TMPRSS15: variants seen among roughly 807,000 people sequenced by gnomAD.
The protein encoded by TMPRSS15 is transmembrane serine protease 15, also known as enteropeptidase.
In TMPRSS15, 128 loss-of-function variants were observed where a neutral mutation model predicts 125.3. The ratio of observed to expected loss-of-function variants is 1.02; its 90% CI spans 0.89 to 1.18. The LOEUF (loss-of-function observed/expected upper bound fraction) is 1.18, where lower values mean the gene tolerates loss of function less well. TMPRSS15 is among the 50% of genes most tolerant of loss of function. The pLI, the probability that TMPRSS15 is intolerant of heterozygous loss-of-function variation, is 0.00. For synonymous variants in TMPRSS15, 446 were observed against 423.2 expected (o/e 1.05, Z -0.66); for missense variants, 1,283 against 1,212.7 (o/e 1.06, Z -0.86).
At chr21:18,463,924 C>G (rs924686610) in intron 1 of TMPRSS15, among the ~76,000 whole-genome samples, 1 of 151,990 alleles carries the variant, frequency 6.6e-6, no homozygotes, top group African/African-American at 2.4e-5. Flanking sequence ...GCTGTAATCC[C>G]AGCACTTGGG....
At chr21:18,455,774 T>C (rs1397728101) in intron 1 of TMPRSS15, among the ~76,000 whole-genome samples, 1 of 152,148 alleles carries the variant, frequency 6.6e-6, no homozygotes, top group East Asian at 1.9e-4. Context: ...GTGTAATAAT[T>C]AACTCCCTAA....
intron 21 of TMPRSS15, among the ~76,000 whole-genome samples, chr21:18,293,307 CATGCCCGGTTCTTTCCTCGTCA>C (rs1337265093): frequency 6.6e-6 from 1 of 152,130 alleles, no homozygotes; most frequent in Non-Finnish European, 1.5e-5. Flanking sequence ...CTGCCTCGTC[CATGCCCGGTTCTTTCCTCGTCA>C]ATGCCTGGTT....
chr21:18,293,436 C>T (rs942635354), intron 21 of TMPRSS15, among the ~76,000 whole-genome samples: 1 of 152,160 alleles, frequency 6.6e-6, no homozygotes, highest in Non-Finnish European at 1.5e-5. Context: ...GGACACCTCA[C>T]TGACATAGGG....
chr21:18,353,132 T>C, intron 9 of TMPRSS15, 80 bp from the exon 10 acceptor site: 1 of 1,282,028 alleles, frequency 7.8e-7, no homozygotes, highest in Non-Finnish European at 1.1e-6. Flanking sequence ...TTGAAAATAA[T>C]CTAACCTTAT....
intron 3 of TMPRSS15, among the ~76,000 whole-genome samples, chr21:18,396,825 T>G (rs1200558323): frequency 1.4e-5 from 2 of 145,734 alleles, no homozygotes; most frequent in East Asian, 4.1e-4. Context: ...TATCTATCTA[T>G]CTATCTATCT....
At position 18,478,392 on chromosome 21, in the gene TMPRSS15, T is replaced by C. The variant is rs550016415; in HGVS notation, c.10+7407A>G. On this transcript the variant is annotated intron_variant, in intron 1 of 7. Transcript: ENST00000422787. ...GATTGTTTAAGACAACTTTTCATTT[T>C]GGAATTAATTTATACTTACAGAAAT... 5.3e-5 allele frequency among the ~76,000 whole-genome samples: 8 copies of C among 152,184 alleles called. No homozygotes were observed. In the South Asian group the frequency reaches 1.7e-3, roughly 32 times the overall value.
chr21:18,296,521 T>C (rs1050597906), intron 19 of TMPRSS15, among the ~76,000 whole-genome samples: 4 of 152,216 alleles, frequency 2.6e-5, no homozygotes, highest in Admixed American at 6.5e-5. Flanking sequence ...TACATTATAA[T>C]AGTGACGTCA....
At chr21:18,387,181 CT>C (rs2075951092) in intron 3 of TMPRSS15, among the ~76,000 whole-genome samples, 1 of 151,950 alleles carries the variant, frequency 6.6e-6, no homozygotes, top group Non-Finnish European at 1.5e-5. Context: ...AAAGCTGAAG[CT>C]GTTTAGTTGT....
At chr21:18,290,323 A>C (rs892189862) in intron 21 of TMPRSS15, among the ~76,000 whole-genome samples, 1 of 113,670 alleles carries the variant, frequency 8.8e-6, no homozygotes, top group African/African-American at 3.3e-5. Context: ...TGTTTACCAA[A>C]ATACAGAAAT....
In TMPRSS15 at chr21:18,332,040, A is replaced by G. The variant is rs1265164475; in HGVS notation, c.1654+44T>C. On this transcript the variant is annotated intron_variant, in intron 14 of 24. Coordinates refer to ENST00000284885, the MANE Select transcript of TMPRSS15 (RefSeq NM_002772.3). The stretch of plus-strand genomic sequence containing the variant: ...TGCGTCAAGGGGAGATCTACATTTC[A>G]TATGGACATTTGTTTCTGATGACCT... The G allele has an allele frequency of 1.4e-5, 22 of 1,543,898 alleles. 1 individual carries two copies. The East Asian group carries it at 4.5e-4, about 32-fold the overall frequency.
chr21:18,338,084 T>C (rs962854653), intron 13 of TMPRSS15, among the ~76,000 whole-genome samples: 33 of 152,172 alleles, frequency 2.2e-4, no homozygotes, highest in African/African-American at 7.7e-4. Flanking sequence ...TATCTTTTTC[T>C]CTTTCTGATT....
At chr21:18,360,379 A>G (rs1429891979) in intron 7 of TMPRSS15, among the ~76,000 whole-genome samples, 1 of 152,118 alleles carries the variant, frequency 6.6e-6, no homozygotes, top group Non-Finnish European at 1.5e-5. Context: ...ATTGTAACTA[A>G]TGCTGAAATG....
At chr21:18,362,721 G>A (rs2075689519) in intron 7 of TMPRSS15, among the ~76,000 whole-genome samples, 1 of 151,998 alleles carries the variant, frequency 6.6e-6, no homozygotes. Flanking sequence ...CTTTTATTGA[G>A]CATTTAATAT....
chr21:18,273,292 T>C (rs2074582035), intron 24 of TMPRSS15, among the ~76,000 whole-genome samples: 2 of 152,228 alleles, frequency 1.3e-5, no homozygotes, highest in African/African-American at 4.8e-5. Flanking sequence ...TAAAAAATGA[T>C]GCTTCAAAGA....
At chr21:18,279,518 T>G (rs138523056) in intron 22 of TMPRSS15, among the ~76,000 whole-genome samples, 3,432 of 149,910 alleles carry the variant, frequency 0.023, 132 homozygotes, top group African/African-American at 0.078. Flanking sequence ...TTTTTTTTAG[T>G]AGAGATGGCG....
Position 18,450,452 on chromosome 21 carries a change from A to C in TMPRSS15, c.10+35347T>G, listed in dbSNP as rs183999342. Among the ~76,000 whole-genome samples the C allele has an allele frequency of 1.9e-4, 29 of 152,258 alleles. No individual in the cohort carries two copies. In the East Asian group the frequency reaches 5.6e-3, roughly 29 times the overall value. On this transcript the variant is annotated intron_variant, in intron 1 of 7. Transcript: ENST00000422787. The stretch of plus-strand genomic sequence containing the variant: ...CATTTGTTTCTGCTTAAGAATTATA[A>C]ATCTTCTTACTCTATTCTGTGATTA...
intron 8 of TMPRSS15, among the ~76,000 whole-genome samples, chr21:18,358,469 T>C (rs902689277): frequency 1.3e-5 from 2 of 151,952 alleles, no homozygotes; most frequent in Non-Finnish European, 2.9e-5. Context: ...ATGTTGATCA[T>C]AATTTTAAAA....
At chr21:18,433,714 G>C (rs1390196226) in intron 1 of TMPRSS15, among the ~76,000 whole-genome samples, 4 of 117,246 alleles carry the variant, frequency 3.4e-5, no homozygotes, top group African/African-American at 9.8e-5. Flanking sequence ...AGGATATAAA[G>C]AATACTCATT....
At chr21:18,428,629 C>T (rs775663436) in intron 1 of TMPRSS15, among the ~76,000 whole-genome samples, 2 of 152,096 alleles carry the variant, frequency 1.3e-5, no homozygotes, top group Non-Finnish European at 1.5e-5. Context: ...GAGTGGAAGC[C>T]CCAAGCCTTT....
Sources: allele counts gnomAD v4.1 joint callset (sites outside exome capture counted in the v4.1 genomes callset), GRCh38; gene constraint gnomAD v4.1.1; transcripts MANE v1.5; gene names NCBI Gene and HGNC (gene_info 2026-07-23, HGNC 2026-07-21).